SLIT1: variants seen among roughly 807,000 people sequenced by gnomAD.
The protein encoded by SLIT1 is slit guidance ligand 1, also known as slit homolog 1 protein.
SLIT1 carries 66 observed loss-of-function variants against 186.1 expected under a neutral mutation model. That is an observed-to-expected ratio of 0.35 (90% CI 0.29 to 0.44). The LOEUF is 0.44. Ranked by LOEUF, SLIT1 falls within the 20% of genes least tolerant of loss-of-function variation. The probability of loss-of-function intolerance (pLI) is 1.00; values close to 1 mark genes in which losing one functional copy is unlikely to be tolerated. For synonymous variants in SLIT1, 761 were observed against 833.8 expected (o/e 0.91, Z 1.50); for missense variants, 1,638 against 2,037.4 (o/e 0.80, Z 3.77).
Position 97,019,047 on chromosome 10 carries a change from T to C in SLIT1, c.2807A>G (p.Asn936Ser), listed in dbSNP as rs1338252828. ...CDLCLSSPCQ[N>S]QGTCHNDPLE... Reference sequence around the variant, plus strand: ...GGGGTCGTTGTGGCAGGTGCCCTGGTTCTGGCACGGACTGGACAAGCAGAG... The same window carrying C: ...GGGGTCGTTGTGGCAGGTGCCCTGGCTCTGGCACGGACTGGACAAGCAGAG... Residue 936 changes from asparagine (N) to serine (S), a missense_variant, in exon 27 of 37, where the codon AAC becomes AGC. By Grantham distance (46) the Asn-to-Ser change is conservative. Coordinates refer to ENST00000266058, the MANE Select transcript of SLIT1 (RefSeq NM_003061.3). The C allele has an allele frequency of 6.2e-7, 1 of 1,613,832 alleles. No individual in the cohort carries two copies. Among genetic ancestry groups the C allele is most frequent in the South Asian group, 1.1e-5 (1 of 91,012 alleles).
Position 97,043,414 on chromosome 10 carries a change from G to C in SLIT1, c.1953C>G (p.Thr651=), listed in dbSNP as rs372447127. Residue 651 remains threonine (T), a synonymous_variant, in exon 19 of 37, where the codon ACC becomes ACG. Coordinates refer to ENST00000266058, the MANE Select transcript of SLIT1 (RefSeq NM_003061.3). This position sits in a 1 kb window ranked among gnomAD's most constrained non-coding sequence, Gnocchi z 7.0. ...LLSLYDNQIT[T]VSPGAFDTLQ... ...GGGTGTCGAAGGCTCCTGGGGATAC[G>C]GTGGTGATCTGGTTGTCGTAGAGCG... 2 of 1,613,998 alleles carry C rather than the reference G, an allele frequency of 1.2e-6. No individual in the cohort carries two copies. The highest frequency in any genetic ancestry group is 1.1e-5 in the South Asian group (1 of 91,070).
rs1848272246 is a variant in SLIT1 at position 96,998,778 on chromosome 10, G to C, written c.*2334C>G. 1 of 152,338 alleles carries C rather than the reference G, an allele frequency of 6.6e-6. No homozygotes were observed. Among genetic ancestry groups the C allele is most frequent in the South Asian group, 2.1e-4 (1 of 4,832 alleles). The allele number at this position is 152,338 out of a possible 1,614,324, so 9.4% of individuals were successfully genotyped here. A position where few individuals can be genotyped will look rare whatever the true frequency, so the allele number is the denominator to read the frequency against. ...CTGGGCCATGTGGTGGGGCCGGTCA[G>C]GGGAGCCTTAAGCTCACATGGTGCT... On this transcript the variant is annotated 3_prime_UTR_variant, in exon 37 of 37. Coordinates refer to ENST00000266058, the MANE Select transcript of SLIT1 (RefSeq NM_003061.3).
Position 97,021,497 on chromosome 10 carries a change from C to A in SLIT1, c.2583-84G>T. On this transcript the variant is annotated intron_variant, in intron 25 of 36. Transcript: ENST00000266058. The surrounding 1 kb of genome is among the most constrained non-coding windows in gnomAD (Gnocchi z 4.5). Reference sequence around the variant, plus strand: ...GGAACCTAGAGTCCCAGGCACTGCACCAGGGGCTGGCAAAAATCTTAGCCT... The same window carrying A: ...GGAACCTAGAGTCCCAGGCACTGCAACAGGGGCTGGCAAAAATCTTAGCCT... The A allele has an allele frequency of 7.6e-7, 1 of 1,316,488 alleles. No individual in the cohort carries two copies. Among genetic ancestry groups the A allele is most frequent in the Non-Finnish European group, 1.0e-6 (1 of 960,778 alleles). 81.6% of individuals were successfully genotyped at this position (1,316,488 alleles called of 1,614,324 possible). A position where few individuals can be genotyped will look rare whatever the true frequency, so the allele number is the denominator to read the frequency against.
intron 4 of SLIT1, among the ~76,000 whole-genome samples, chr10:97,120,847 C>T (rs546271798): frequency 2.6e-5 from 4 of 152,182 alleles, no homozygotes; most frequent in Non-Finnish European, 5.9e-5. Flanking sequence ...CCCTACCCTA[C>T]GGGAGAAGCT....
At chr10:97,128,484 C>A (rs1849623924) in intron 4 of SLIT1, among the ~76,000 whole-genome samples, 1 of 152,214 alleles carries the variant, frequency 6.6e-6, no homozygotes, top group Admixed American at 6.5e-5. Context: ...CCAGCTCACT[C>A]CCACAAAGTT....
intron 4 of SLIT1, among the ~76,000 whole-genome samples, chr10:97,124,276 C>A (rs1849585016): frequency 6.6e-6 from 1 of 152,204 alleles, no homozygotes; most frequent in Non-Finnish European, 1.5e-5. Context: ...CAAAACCTGG[C>A]AGGGCAGGGG....
intron 25 of SLIT1, among the ~76,000 whole-genome samples, chr10:97,025,179 G>A (rs1848533891): frequency 6.6e-6 from 1 of 152,210 alleles, no homozygotes; most frequent in African/African-American, 2.4e-5. Flanking sequence ...GGAGGCTGAG[G>A]CAGGAGCATC....
intron 4 of SLIT1, 72 bp from the exon 5 acceptor site, chr10:97,066,158 T>A: frequency 7.9e-7 from 1 of 1,269,866 alleles, no homozygotes; most frequent in South Asian, 1.3e-5. Context: ...CTGTGATAAG[T>A]CAGGGAAGCA....
intron 4 of SLIT1, among the ~76,000 whole-genome samples, chr10:97,128,562 T>C (rs919188937): frequency 1.3e-5 from 2 of 152,178 alleles, no homozygotes; most frequent in Non-Finnish European, 2.9e-5. Flanking sequence ...AGGCCCCTCC[T>C]GCCCTGATGC....
intron 4 of SLIT1, among the ~76,000 whole-genome samples, chr10:97,141,762 G>T (rs531797127): frequency 4.1e-5 from 6 of 144,780 alleles, no homozygotes; most frequent in African/African-American, 1.6e-4. Flanking sequence ...GTATCGTATC[G>T]TATTGTATCG....
intron 4 of SLIT1, among the ~76,000 whole-genome samples, chr10:97,123,204 T>C (rs1457109757): frequency 1.3e-5 from 2 of 152,234 alleles, no homozygotes; most frequent in African/African-American, 4.8e-5. Flanking sequence ...CTGAAGTCAA[T>C]GCCCGGCCTT....
chr10:97,058,204 C>G, intron 11 of SLIT1: 1 of 636,524 alleles, frequency 1.6e-6, no homozygotes, highest in Non-Finnish European at 2.9e-6. Flanking sequence ...CAGAAACACC[C>G]CTCAAGCTGC....
intron 14 of SLIT1, among the ~76,000 whole-genome samples, chr10:97,048,643 T>A (rs898017262): frequency 6.6e-6 from 1 of 152,122 alleles, no homozygotes; most frequent in African/African-American, 2.4e-5. Flanking sequence ...GGGTTCACAG[T>A]AATGAAAGAC....
chr10:97,164,868 T>C lies in SLIT1; in HGVS notation c.220A>G (p.Thr74Ala), dbSNP rs1345377461. 6.2e-7 allele frequency: 1 copy of C among 1,613,246 alleles called. No individual in the cohort carries two copies. The highest frequency in any genetic ancestry group is 1.1e-5 in the South Asian group (1 of 91,054). Residue 74 changes from threonine to alanine, a missense_variant, in exon 2 of 37, where the codon ACT becomes GCT. Thr to Ala is a moderately conservative substitution (Grantham distance 58). Coordinates refer to ENST00000266058, the MANE Select transcript of SLIT1 (RefSeq NM_003061.3). ...ERLELNGNNI[T>A]RIHKNDFAGL... Reference sequence around the variant, plus strand: ...GCAAAGTCATTCTTATGGATCCGAGTGATGTTGTTGCCATTGAGTTCCCTG... The same window carrying C: ...GCAAAGTCATTCTTATGGATCCGAGCGATGTTGTTGCCATTGAGTTCCCTG...
At chr10:97,025,579 G>A (rs1401344677) in intron 25 of SLIT1, among the ~76,000 whole-genome samples, 1 of 152,178 alleles carries the variant, frequency 6.6e-6, no homozygotes, top group African/African-American at 2.4e-5. Flanking sequence ...TCAGTGGGGA[G>A]TGCAGAGCCA....
intron 4 of SLIT1, among the ~76,000 whole-genome samples, chr10:97,099,185 A>T (rs1181615872): frequency 6.6e-6 from 1 of 151,894 alleles, no homozygotes; most frequent in Non-Finnish European, 1.5e-5. Flanking sequence ...CCCTCAGGCC[A>T]TTGGGAACGT....
intron 4 of SLIT1, among the ~76,000 whole-genome samples, chr10:97,118,063 C>T (rs1849524623): frequency 6.6e-6 from 1 of 151,762 alleles, no homozygotes; most frequent in African/African-American, 2.4e-5. Context: ...TTTGCATTTA[C>T]TATTTAAGAT....
chr10:97,041,237 C>G lies in SLIT1; in HGVS notation c.2165-1117G>C, dbSNP rs1455807751. 2.0e-5 allele frequency among the ~76,000 whole-genome samples: 3 copies of G among 152,126 alleles called. No homozygotes were observed. The East Asian group carries it at 5.8e-4, about 29-fold the overall frequency. On this transcript the variant is annotated intron_variant, in intron 20 of 36. Transcript: ENST00000266058. Reference sequence around the variant, plus strand: ...GGCAGCACGATGCATTGGAGCGGGACTTGGGAGGTTGTCTGAATGTCCAGC... The same window carrying G: ...GGCAGCACGATGCATTGGAGCGGGAGTTGGGAGGTTGTCTGAATGTCCAGC...
At chr10:97,170,667 T>C (rs7073112) in intron 1 of SLIT1, among the ~76,000 whole-genome samples, 15,349 of 152,292 alleles carry the variant, frequency 0.1, 828 homozygotes, top group East Asian at 0.17. Flanking sequence ...CAGTGGCAAA[T>C]GGCCCTGATT....
Sources: gnomAD v4.1 joint callset for allele counts (sites outside exome capture counted in the v4.1 genomes callset) on GRCh38, gnomAD v4.1.1 for gene constraint, Gnocchi (gnomAD v3.1) non-coding constraint, MANE v1.5 for transcripts, NCBI Gene and HGNC (gene_info 2026-07-23, HGNC 2026-07-21) for gene names.